The following TYR variants were observed in gnomAD, a reference collection of about 807,000 sequenced individuals.
TYR encodes LB24-AB.
In TYR, 58 loss-of-function variants were observed where a neutral mutation model predicts 51.5. The observed-to-expected ratio is 1.13, with a 90% CI of 0.91 to 1.40. TYR has a LOEUF of 1.40. Ranked by LOEUF, TYR falls within the 40% of genes most tolerant of loss-of-function variation. The probability of loss-of-function intolerance (pLI) is 0.00; values close to 1 mark genes in which losing one functional copy is unlikely to be tolerated. For missense variants in TYR, 732 were observed against 647.4 expected (o/e 1.13, Z -1.42); for synonymous variants, 263 against 235.2 (o/e 1.12, Z -1.08).
intron 2 of TYR, among the ~76,000 whole-genome samples, chr11:89,213,661 T>G (rs1020223137): frequency 2.0e-5 from 3 of 152,140 alleles, no homozygotes; most frequent in Non-Finnish European, 4.4e-5. Context: ...AGATCAAAGC[T>G]GGAGGCATCA....
intron 3 of TYR, among the ~76,000 whole-genome samples, chr11:89,248,245 G>T (rs1480719662): frequency 6.6e-6 from 1 of 152,052 alleles, no homozygotes; most frequent in East Asian, 1.9e-4. Flanking sequence ...TAAAATATTT[G>T]CATTCTAGTG....
chr11:89,294,262 T>C (rs1172920836), intron 4 of TYR: 1 of 152,516 alleles, frequency 6.6e-6, no homozygotes, highest in African/African-American at 2.4e-5. Flanking sequence ...CCTCCCTTTT[T>C]AAAATTATTT....
intron 3 of TYR, among the ~76,000 whole-genome samples, chr11:89,254,375 T>C (rs866708617): frequency 1.3e-5 from 2 of 151,732 alleles, no homozygotes; most frequent in Middle Eastern, 3.4e-3. Flanking sequence ...CTCTTTATCT[T>C]GTGGAATAGT....
rs1362285246 is a variant in TYR, at chr11:89,284,865, T to C, written c.1277T>C (p.Met426Thr). ...ATTGGACATAACCGGGAATCCTACA[T>C]GGTTCCTTTTATACCACTGTACAGA... Reference protein sequence around the residue: ...APIGHNRESYMVPFIPLYRNG... With the variant: ...APIGHNRESYTVPFIPLYRNG... Residue 426 changes from methionine (M) to threonine (T), a missense_variant, in exon 4 of 5, where the codon ATG becomes ACG. Transcript: ENST00000263321. 1.5e-5 allele frequency: 24 copies of C among 1,611,762 alleles called. No individual in the cohort carries two copies. Among genetic ancestry groups the C allele is most frequent in the African/African-American group, 1.1e-4 (8 of 74,788 alleles).
At chr11:89,257,976 T>C (rs1944413981) in intron 3 of TYR, among the ~76,000 whole-genome samples, 1 of 152,092 alleles carries the variant, frequency 6.6e-6, no homozygotes, top group South Asian at 2.1e-4. Flanking sequence ...CTTGAGAATA[T>C]GGATTTTTTT....
At chr11:89,257,748 G>C (rs1944410817) in intron 3 of TYR, among the ~76,000 whole-genome samples, 1 of 151,952 alleles carries the variant, frequency 6.6e-6, no homozygotes, top group South Asian at 2.1e-4. Context: ...TTTGCACTCA[G>C]CCAGCATTTC....
intron 1 of TYR, among the ~76,000 whole-genome samples, chr11:89,183,951 C>T (rs1243646702): frequency 1.3e-5 from 2 of 151,968 alleles, no homozygotes; most frequent in Non-Finnish European, 2.9e-5. Context: ...ACGTATAATT[C>T]CCATTTACAG....
At chr11:89,282,847 T>C (rs1944735252) in intron 3 of TYR, among the ~76,000 whole-genome samples, 1 of 151,778 alleles carries the variant, frequency 6.6e-6, no homozygotes, top group African/African-American at 2.4e-5. Context: ...GTCTCATCAA[T>C]TTTAAAGTTT....
At position 89,178,352 on chromosome 11, in the gene TYR, AT is replaced by A; in HGVS notation, c.405del (p.Phe135LeufsTer6). The A allele has an allele frequency of 6.2e-7, 1 of 1,614,110 alleles. No homozygotes were observed. Among genetic ancestry groups the A allele is most frequent in the Non-Finnish European group, 8.5e-7 (1 of 1,180,028 alleles). On this transcript the variant is annotated frameshift_variant, in exon 1 of 5. Coordinates refer to ENST00000263321, the MANE Select transcript of TYR (RefSeq NM_000372.5). LOFTEE classifies it high-confidence loss of function. Reference protein sequence around the residue: ...FDLSAPEKDKFFAYLTLAKHT... With the variant: ...FDLSAPEKDKXFAYLTLAKHT... Reference sequence around the variant, plus strand: ...ATTTGAGTGCCCCAGAGAAGGACAAATTTTTTGCCTACCTCACTTTAGCAAA... The same window carrying A: ...ATTTGAGTGCCCCAGAGAAGGACAAATTTTTGCCTACCTCACTTTAGCAAA...
chr11:89,282,337 TTATCA>T (rs1944729526), intron 3 of TYR, among the ~76,000 whole-genome samples: 67 of 151,896 alleles, frequency 4.4e-4, no homozygotes, highest in Admixed American at 4.2e-3. Flanking sequence ...GGTGGAGGGA[TTATCA>T]GACAGCCTCC....
chr11:89,235,446 G>T (rs1944098546), intron 3 of TYR, among the ~76,000 whole-genome samples: 1 of 151,926 alleles, frequency 6.6e-6, no homozygotes, highest in Non-Finnish European at 1.5e-5. Context: ...TGGGCAAATG[G>T]GTAAAGAAAA....
Position 89,199,425 on chromosome 11 carries a change from T to G in TYR, c.1036+8007T>G, listed in dbSNP as rs539687441. Among the ~76,000 whole-genome samples, 10 of 152,310 alleles carry G rather than the reference T, an allele frequency of 6.6e-5. No individual in the cohort carries two copies. In the South Asian group the frequency reaches 1.0e-3, roughly 16 times the overall value. ...AGCCTTGTGTCATCTTCACTCTGAA[T>G]TAAAAGGTGCAGGTATTATCTTATG... is the stretch of plus-strand genomic sequence containing the variant. On this transcript the variant is annotated intron_variant, in intron 2 of 4. Transcript: ENST00000263321.
At chr11:89,242,995 C>G (rs2186640) in intron 3 of TYR, among the ~76,000 whole-genome samples, 69,319 of 152,030 alleles carry the variant, frequency 0.46, 16,954 homozygotes, top group African/African-American at 0.65. Flanking sequence ...CCTTTGTCAG[C>G]GTGTTGGAAG....
At chr11:89,251,567 G>C (rs2135299627) in intron 3 of TYR, among the ~76,000 whole-genome samples, 1 of 151,944 alleles carries the variant, frequency 6.6e-6, no homozygotes, top group East Asian at 1.9e-4. Flanking sequence ...AAGAGGAAAT[G>C]GCAGCTGAAA....
intron 2 of TYR, chr11:89,191,987 T>TA (rs1449783855): frequency 2.2e-6 from 1 of 446,358 alleles, no homozygotes; most frequent in Non-Finnish European, 4.5e-6. Context: ...TTTAGTGTTT[T>TA]AGTTTTCTCC....
At chr11:89,199,677 T>G (rs1161021644) in intron 2 of TYR, among the ~76,000 whole-genome samples, 1 of 152,222 alleles carries the variant, frequency 6.6e-6, no homozygotes, top group African/African-American at 2.4e-5. Context: ...TAGCTCCTAT[T>G]ACATACACAA....
intron 3 of TYR, among the ~76,000 whole-genome samples, chr11:89,251,100 A>G (rs1344227057): frequency 6.6e-6 from 1 of 151,966 alleles, no homozygotes; most frequent in Non-Finnish European, 1.5e-5. Context: ...AAAAAACATT[A>G]AAGCATGTTG....
chr11:89,191,166 G>A (rs777968086), intron 1 of TYR, 36 bp from the exon 2 acceptor site: 28 of 1,594,524 alleles, frequency 1.8e-5, no homozygotes, highest in Non-Finnish European at 2.3e-5. Context: ...CTCAGTGGTG[G>A]TGACAATTTG....
Position 89,227,984 on chromosome 11 carries a change from T to G in TYR, c.1184+14T>G, listed in dbSNP as rs1410193220. ...ATTTGTTGACAGGTTGGTTAATATT[T>G]CTTTATAAATAACGTGCTCATTGGA... On this transcript the variant is annotated intron_variant, in intron 3 of 4. Coordinates refer to ENST00000263321, the MANE Select transcript of TYR (RefSeq NM_000372.5). The G allele has an allele frequency of 6.2e-7, 1 of 1,612,768 alleles. No homozygotes were observed. The highest frequency in any genetic ancestry group is 1.3e-5 in the African/African-American group (1 of 74,884).
Sources: gnomAD v4.1 joint callset for allele counts (sites outside exome capture counted in the v4.1 genomes callset) on GRCh38, gnomAD v4.1.1 for gene constraint, MANE v1.5 for transcripts, NCBI Gene and HGNC (gene_info 2026-07-23, HGNC 2026-07-21) for gene names.